Variants in TYMP observed in about 807,000 individuals in gnomAD.
TYMP encodes the protein thymidine phosphorylase, also known as gliostatin.
A neutral mutation model predicts 42.3 loss-of-function variants in TYMP; 46 were observed. The observed-to-expected ratio is 1.09, with a 90% CI of 0.86 to 1.39. The LOEUF is 1.39. Among genes scored for constraint, TYMP ranks in the 40% most tolerant of loss-of-function variants. The probability of loss-of-function intolerance (pLI) is 0.00; values close to 1 mark genes in which losing one functional copy is unlikely to be tolerated. For synonymous variants in TYMP, 363 were observed against 308.0 expected, an observed-to-expected ratio of 1.18 and a Z score of -1.87; for missense variants, 837 against 677.6, an observed-to-expected ratio of 1.24 and a Z score of -2.61.
At position 50,526,271 on chromosome 22, in the gene TYMP, C is replaced by G. The variant is rs1312378484; in HGVS notation, c.1134G>C (p.Gln378His). The part of the protein sequence containing the change: ...RRQLLPRARE[Q>H]EELLAPADGT... ...CATCTGCGGGCGCCAGCAGCTCCTC[C>G]TGCTCCCGGGCGCGAGGCAGCAGCT... Residue 378 changes from glutamine (Q) to histidine (H), a missense_variant, in exon 8 of 10, where the codon CAG becomes CAC. Gln to His is a conservative substitution (Grantham distance 24). Transcript: ENST00000252029. The G allele has an allele frequency of 6.5e-7, 1 of 1,542,428 alleles. No individual in the cohort carries two copies. Among genetic ancestry groups the G allele is most frequent in the Non-Finnish European group, 8.7e-7 (1 of 1,154,780 alleles).
intron 5 of TYMP, 137 bp from the exon 6 acceptor site, chr22:50,527,420 G>A (rs1278045487): frequency 2.4e-6 from 3 of 1,268,574 alleles, no homozygotes; most frequent in Non-Finnish European, 2.3e-6. Context: ...GCAGCACCTG[G>A]TGGGTTGAGT....
In TYMP at chr22:50,528,493, G is replaced by C; in HGVS notation, c.516+19C>G. On this transcript the variant is annotated intron_variant, in intron 4 of 9. Transcript: ENST00000252029. ...CCATCATCAACCTGGATTAATGACT[G>C]ATCCGTGGCGCCCCGTACCTGCTCT... is the stretch of plus-strand genomic sequence containing the variant. The C allele has an allele frequency of 6.2e-7, 1 of 1,607,068 alleles. No homozygotes were observed. Among genetic ancestry groups the C allele is most frequent in the Non-Finnish European group, 8.5e-7 (1 of 1,174,464 alleles).
chr22:50,526,447 C>T lies in TYMP; in HGVS notation c.958G>A (p.Ala320Thr). Reference sequence around the variant, plus strand: ...GCAGCGCCCTGGGCCTGAGTCCCCGCGTGTCCGCTGAGCCAGAGCAGGGCG... The same window carrying T: ...GCAGCGCCCTGGGCCTGAGTCCCCGTGTGTCCGCTGAGCCAGAGCAGGGCG... Reference protein sequence around the residue: ...GGALLWLSGHAGTQAQGAARV... With the variant: ...GGALLWLSGHTGTQAQGAARV... The change falls in exon 8 of 10, where the codon GCG becomes ACG. Residue 320 changes from alanine to threonine, a missense_variant. Coordinates refer to ENST00000252029, the MANE Select transcript of TYMP (RefSeq NM_001953.5). 6.7e-7 allele frequency: 1 copy of T among 1,497,596 alleles called. No individual in the cohort carries two copies. Among genetic ancestry groups the T allele is most frequent in the Non-Finnish European group, 8.8e-7 (1 of 1,132,548 alleles). 92.8% of individuals were successfully genotyped at this position (1,497,596 alleles called of 1,614,324 possible).
rs369574115 is a variant in TYMP, at chr22:50,528,508, G to A, written c.516+4C>T. ...ATTAATGACTGATCCGTGGCGCCCC[G>A]TACCTGCTCTGGGCTCTGGATGACA... On this transcript the variant is annotated splice_donor_region_variant and intron_variant, in intron 4 of 9. Transcript: ENST00000252029. 34 of 1,613,296 alleles carry A rather than the reference G, an allele frequency of 2.1e-5. No individual in the cohort carries two copies. Among genetic ancestry groups the A allele is most frequent in the Non-Finnish European group, 2.6e-5 (31 of 1,179,578 alleles).
At chr22:50,527,785 T>G in intron 4 of TYMP, 68 bp from the exon 5 acceptor site, 1 of 1,579,698 alleles carries the variant, frequency 6.3e-7, no homozygotes. Context: ...TTTTTTTTTT[T>G]TTTTTTCTGT....
rs2069352107 is a variant in TYMP, at chr22:50,526,074, G to A, written c.1227C>T (p.Ser409=). 4.0e-6 allele frequency: 6 copies of A among 1,483,802 alleles called. No individual in the cohort carries two copies. The highest frequency in any genetic ancestry group is 5.3e-6 in the Non-Finnish European group (6 of 1,125,056). 91.9% of individuals were successfully genotyped at this position (1,483,802 alleles called of 1,614,324 possible). A position where few individuals can be genotyped will look rare whatever the true frequency, so the allele number is the denominator to read the frequency against. ...LVLHELGAGR[S]RAGEPLRLGV... is the part of the protein sequence containing the mutation. ...CCAGGCGGAGCGGCTCCCCAGCGCG[G>A]CTGCGCCCGGCCCCGAGCTCGTGCA... is the stretch of plus-strand genomic sequence containing the variant. The change falls in exon 9 of 10, where the codon AGC becomes AGT. Residue 409 remains serine, a synonymous_variant. Transcript: ENST00000252029.
rs2069503337 is a variant in TYMP, at chr22:50,529,300, G to C, written c.253C>G (p.Leu85Val). ...LMAIRLRGMD[L>V]EETSVLTQAL... ...TGGGTCAGCACCGAGGTCTCCTCCA[G>C]ATCCATGCCCCGAAGTCGGATGGCC... The change falls in exon 3 of 10, where the codon CTG becomes GTG. Residue 85 changes from leucine (L) to valine (V), a missense_variant. Transcript: ENST00000252029. 6.2e-7 allele frequency: 1 copy of C among 1,613,432 alleles called. No homozygotes were observed. Among genetic ancestry groups the C allele is most frequent in the Non-Finnish European group, 8.5e-7 (1 of 1,180,012 alleles).
chr22:50,526,025 C>G lies in TYMP; in HGVS notation c.1276G>C (p.Asp426His). ...RLGVGAELLV[D>H]VGQRLRRGTP... ...CCACGGCGCAGCCTCTGACCCACGTCGACCAGCAGCTCTGCGCCCACCCCC... is the reference window on the plus strand; with the variant it reads ...CCACGGCGCAGCCTCTGACCCACGTGGACCAGCAGCTCTGCGCCCACCCCC... The change falls in exon 9 of 10, where the codon GAC becomes CAC. Residue 426 changes from aspartate to histidine, a missense_variant. Asp to His is a moderately conservative substitution (Grantham distance 81). Transcript: ENST00000252029. 6.8e-7 allele frequency: 1 copy of G among 1,473,292 alleles called. No homozygotes were observed. Among genetic ancestry groups the G allele is most frequent in the Non-Finnish European group, 8.9e-7 (1 of 1,119,302 alleles). 91.3% of individuals were successfully genotyped at this position (1,473,292 alleles called of 1,614,324 possible). A position where few individuals can be genotyped will look rare whatever the true frequency, so the allele number is the denominator to read the frequency against.
rs1258773019 is a variant in TYMP, at chr22:50,529,532, C to T, written c.178G>A (p.Ala60Thr). 2.5e-6 allele frequency: 4 copies of T among 1,613,052 alleles called. No homozygotes were observed. The Admixed American group carries it at 5.0e-5, about 20-fold the overall frequency. Residue 60 changes from alanine (A) to threonine (T), a missense_variant, in exon 2 of 10, where the codon GCT (alanine) becomes ACT (threonine). Ala to Thr is a moderately conservative substitution (Grantham distance 58, BLOSUM62 0). Transcript: ENST00000252029. ...SEADIRGFVA[A>T]VVNGSAQGAQ... ...CCCTGCGCGCTCCCATTCACCACAG[C>T]GGCCACGAAGCCCCTGATGTCCGCT...
At chr22:50,527,337 G>T in intron 5 of TYMP, 54 bp from the exon 6 acceptor site, 1 of 1,487,042 alleles carries the variant, frequency 6.7e-7, no homozygotes, top group South Asian at 1.1e-5. Context: ...AGCTTCTTGG[G>T]AGAGTTCGGG....
intron 4 of TYMP, 105 bp from the exon 5 acceptor site, chr22:50,527,822 T>A: frequency 6.8e-7 from 1 of 1,472,506 alleles, no homozygotes; most frequent in Non-Finnish European, 9.2e-7. Context: ...TTGCCCAGGC[T>A]GGAGTGCAGT....
chr22:50,527,540 G>C (rs1272282446), intron 5 of TYMP, 48 bp downstream of exon 5: 1 of 1,613,594 alleles, frequency 6.2e-7, no homozygotes. Flanking sequence ...TGAGTTTGGA[G>C]GTCAGGAGCC....
chr22:50,526,981 C>G (rs1419596842), intron 6 of TYMP, among the ~76,000 whole-genome samples, 184 bp downstream of exon 6: 1 of 152,244 alleles, frequency 6.6e-6, no homozygotes, highest in Admixed American at 6.5e-5. Flanking sequence ...GCCGGGCCAG[C>G]CTTGACCTCT....
intron 6 of TYMP, 151 bp downstream of exon 6, chr22:50,527,014 C>A: frequency 1.3e-6 from 1 of 764,080 alleles, no homozygotes; most frequent in South Asian, 1.6e-5. Context: ...GGTTAGGAAG[C>A]CGTGAAGGAG....
intron 1 of TYMP, 90 bp downstream of exon 1, chr22:50,529,814 C>G (rs372115951): frequency 1.9e-6 from 2 of 1,057,004 alleles, no homozygotes; most frequent in African/African-American, 3.2e-5. Context: ...CGTGTCTCTC[C>G]GGTGTCCGCC....
At chr22:50,527,328 G>A in intron 5 of TYMP, 45 bp from the exon 6 acceptor site, 6 of 1,523,418 alleles carry the variant, frequency 3.9e-6, no homozygotes, top group Middle Eastern at 1.7e-4. Context: ...AGAACCTGGA[G>A]CTTCTTGGGA....
Position 50,527,212 on chromosome 22 carries a change from C to T in TYMP, c.718G>A (p.Ala240Thr), listed in dbSNP as rs540094807. Residue 240 changes from alanine to threonine, a missense_variant, in exon 6 of 10, where the codon GCC (alanine) becomes ACC (threonine). Transcript: ENST00000252029. Reference protein sequence around the residue: ...LVVDVKFGGAAVFPNQEQARE... With the variant: ...LVVDVKFGGATVFPNQEQARE... ...GCCTGCTCCTGGTTGGGGAAGACGG[C>T]GGCCCCTCCGAACTTAACGTCCACC... is the stretch of plus-strand genomic sequence containing the variant. 6 of 1,613,518 alleles carry T rather than the reference C, an allele frequency of 3.7e-6. No homozygotes were observed. The African/African-American group carries it at 6.7e-5, about 18-fold the overall frequency.
chr22:50,529,662 A>G lies in TYMP; in HGVS notation c.48T>C (p.Gly16=). 1 of 1,612,298 alleles carries G rather than the reference A, an allele frequency of 6.2e-7. No homozygotes were observed. The highest frequency in any genetic ancestry group is 8.5e-7 in the Non-Finnish European group (1 of 1,179,712). Residue 16 remains glycine, a synonymous_variant, in exon 2 of 10, where the codon GGT becomes GGC. Coordinates refer to ENST00000252029, the MANE Select transcript of TYMP (RefSeq NM_001953.5). ...CCTGGCTCCCTTCCCCGGAGAAGTC[A>G]CCAGGCGCGGGTGGGGCCCCGGTTC... is the stretch of plus-strand genomic sequence containing the variant. ...TPGTGAPPAP[G]DFSGEGSQGL...
At chr22:50,529,362 G>C (rs1375576889) in intron 2 of TYMP, 24 bp from the exon 3 acceptor site, 5 of 1,612,116 alleles carry the variant, frequency 3.1e-6, no homozygotes, top group Non-Finnish European at 4.2e-6. Context: ...GTACGCGTGA[G>C]GGTGGCAGCC....
Sources: allele counts gnomAD v4.1 joint callset (sites outside exome capture counted in the v4.1 genomes callset), GRCh38; gene constraint gnomAD v4.1.1; transcripts MANE v1.5; gene names NCBI Gene and HGNC (gene_info 2026-07-23, HGNC 2026-07-21).